NT5DC1: variants seen among roughly 807,000 people sequenced by gnomAD.
NT5DC1 encodes the protein 5'-nucleotidase domain containing 1, also known as 5'-nucleotidase domain-containing protein 1.
In NT5DC1, 42 loss-of-function variants were observed where a neutral mutation model predicts 59.4. The ratio of observed to expected loss-of-function variants is 0.71; its 90% CI spans 0.55 to 0.92. The LOEUF (loss-of-function observed/expected upper bound fraction) is 0.92, where lower values mean the gene tolerates loss of function less well. NT5DC1 is among the 40% of genes least tolerant of loss of function. NT5DC1 has a pLI of 0.00. For missense variants in NT5DC1, 501 were observed against 537.1 expected, an observed-to-expected ratio of 0.93 and a Z score of 0.66; for synonymous variants, 172 against 188.1, an observed-to-expected ratio of 0.91 and a Z score of 0.70.
Position 116,221,162 on chromosome 6 carries a change from A to G in NT5DC1, c.638A>G (p.Lys213Arg). The G allele has an allele frequency of 6.3e-7, 1 of 1,595,860 alleles. No individual in the cohort carries two copies. The highest frequency in any genetic ancestry group is 8.6e-7 in the Non-Finnish European group (1 of 1,163,742). The change falls in exon 7 of 12, where the codon AAA (lysine) becomes AGA (arginine). Residue 213 changes from lysine (K) to arginine (R), a missense_variant. Lys to Arg is a conservative substitution (Grantham distance 26). Coordinates refer to ENST00000319550, the MANE Select transcript of NT5DC1 (RefSeq NM_152729.3). The stretch of plus-strand genomic sequence containing the variant: ...CTTCGACAGCTAAAGAATGCTGGGA[A>G]AATTCTTCTGTTAATTACCAGTTCT... The part of the protein sequence containing the change: ...KWLRQLKNAG[K>R]ILLLITSSHS...
intron 6 of NT5DC1, among the ~76,000 whole-genome samples, chr6:116,157,232 T>TC (rs982708964): frequency 1.4e-4 from 21 of 152,278 alleles, no homozygotes; most frequent in African/African-American, 2.9e-4. Context: ...AAATGAGGAT[T>TC]CCCCCCCATA....
chr6:116,178,088 T>TGTGTGCGC (rs1491426656), intron 6 of NT5DC1, among the ~76,000 whole-genome samples: 45 of 99,654 alleles, frequency 4.5e-4, no homozygotes, highest in African/African-American at 2.1e-3. Flanking sequence ...TGTGTGTGTG[T>TGTGTGCGC]GCGCGCGCGC....
intron 6 of NT5DC1, chr6:116,121,757 C>G (rs764087740): frequency 1.2e-6 from 2 of 1,613,886 alleles, no homozygotes; most frequent in Non-Finnish European, 1.7e-6. Flanking sequence ...ATATGGTCCT[C>G]TCTCTCCTGG....
intron 8 of NT5DC1, among the ~76,000 whole-genome samples, chr6:116,235,835 A>G (rs59075644): frequency 0.1 from 15,287 of 152,218 alleles, 1,275 homozygotes; most frequent in African/African-American, 0.23. Flanking sequence ...TGGCATAACC[A>G]TCTTTGCCTC....
chr6:116,210,000 C>T (rs1402247080), intron 6 of NT5DC1, among the ~76,000 whole-genome samples: 1 of 151,768 alleles, frequency 6.6e-6, no homozygotes, highest in African/African-American at 2.4e-5. Context: ...TATTCCATAC[C>T]CAAGTTTGTT....
chr6:116,239,333 T>G (rs1782181383), intron 11 of NT5DC1, among the ~76,000 whole-genome samples: 1 of 152,176 alleles, frequency 6.6e-6, no homozygotes. Flanking sequence ...TAAGTCAGCT[T>G]GGAGGCATAT....
In NT5DC1 at chr6:116,246,875, A is replaced by C. The variant is rs1582891320; in HGVS notation, c.*2851A>C. ...AGAAAGGTGTCTCTTGTTGGTCTCT[A>C]GAACTATCCTCAGAAATAATAGTAA... is the stretch of plus-strand genomic sequence containing the variant. On this transcript the variant is annotated 3_prime_UTR_variant, in exon 12 of 12. Coordinates refer to ENST00000319550, the MANE Select transcript of NT5DC1 (RefSeq NM_152729.3). 2.0e-5 allele frequency: 3 copies of C among 152,324 alleles called. No homozygotes were observed. The highest frequency in any genetic ancestry group is 4.8e-5 in the African/African-American group (2 of 41,582). The allele number at this position is 152,324 out of a possible 1,614,324, so 9.4% of individuals were successfully genotyped here.
At chr6:116,212,000 T>C (rs903527463) in intron 6 of NT5DC1, among the ~76,000 whole-genome samples, 1 of 152,110 alleles carries the variant, frequency 6.6e-6, no homozygotes, top group Non-Finnish European at 1.5e-5. Context: ...GCTTAGGGCA[T>C]TATTACTCCT....
chr6:116,164,835 A>G (rs761241440), intron 6 of NT5DC1, among the ~76,000 whole-genome samples: 3 of 152,058 alleles, frequency 2.0e-5, no homozygotes, highest in Non-Finnish European at 4.4e-5. Flanking sequence ...AAAAAGATAC[A>G]CGCTTTGGGA....
At chr6:116,241,283 GC>G (rs536807638) in intron 11 of NT5DC1, among the ~76,000 whole-genome samples, 66 of 152,262 alleles carry the variant, frequency 4.3e-4, no homozygotes, top group Non-Finnish European at 7.2e-4. Context: ...GACTGGAGAT[GC>G]AAGAAGAATG....
In NT5DC1 at chr6:116,182,783, T is replaced by C. The variant is rs568488084; in HGVS notation, c.530-38271T>C. Among the ~76,000 whole-genome samples, 18 of 152,290 alleles carry C rather than the reference T, an allele frequency of 1.2e-4. No homozygotes were observed. In the South Asian group the frequency reaches 3.7e-3, roughly 32 times the overall value. ...TTGAGTTCCTTGTAGAGTCTAGATA[T>C]TACTCCTTTGTTGGATGTATAGATT... On this transcript the variant is annotated intron_variant, in intron 6 of 11. Coordinates refer to ENST00000319550, the MANE Select transcript of NT5DC1 (RefSeq NM_152729.3).
intron 6 of NT5DC1, among the ~76,000 whole-genome samples, chr6:116,144,800 TG>T (rs936686534): frequency 2.0e-5 from 3 of 152,080 alleles, no homozygotes; most frequent in Admixed American, 2.0e-4. Context: ...CTGACAACTG[TG>T]AGTTAGTTCA....
At chr6:116,181,906 A>G (rs1263055022) in intron 6 of NT5DC1, among the ~76,000 whole-genome samples, 1 of 152,092 alleles carries the variant, frequency 6.6e-6, no homozygotes, top group Non-Finnish European at 1.5e-5. Flanking sequence ...TTTGGGAAAC[A>G]GTTGATGGTG....
intron 10 of NT5DC1, 56 bp downstream of exon 10, chr6:116,238,404 A>G: frequency 7.5e-7 from 1 of 1,329,236 alleles, no homozygotes; most frequent in Non-Finnish European, 1.0e-6. Context: ...TTTGAAAGCT[A>G]AAGTATCTTT....
chr6:116,133,237 G>A (rs1040105105), intron 6 of NT5DC1, among the ~76,000 whole-genome samples: 16 of 152,092 alleles, frequency 1.1e-4, no homozygotes, highest in African/African-American at 3.9e-4. Flanking sequence ...AGATCTTCAG[G>A]GATCTTGGCT....
intron 6 of NT5DC1, among the ~76,000 whole-genome samples, chr6:116,154,841 C>T (rs1346497090): frequency 6.6e-6 from 1 of 152,100 alleles, no homozygotes; most frequent in African/African-American, 2.4e-5. Context: ...CTTTGACTTG[C>T]CTATGATGCC....
chr6:116,103,861 G>A (rs932547841), intron 1 of NT5DC1, among the ~76,000 whole-genome samples: 1 of 152,140 alleles, frequency 6.6e-6, no homozygotes, highest in Non-Finnish European at 1.5e-5. Context: ...GTGAGTGGGA[G>A]AGTGGGGTCC....
chr6:116,105,270 C>T (rs948492214), intron 1 of NT5DC1, among the ~76,000 whole-genome samples: 6 of 152,162 alleles, frequency 3.9e-5, no homozygotes, highest in African/African-American at 1.4e-4. Context: ...ATTCACCCAG[C>T]GAACTGCTGC....
intron 6 of NT5DC1, among the ~76,000 whole-genome samples, chr6:116,156,731 C>T (rs1417973518): frequency 6.6e-6 from 1 of 152,140 alleles, no homozygotes; most frequent in Admixed American, 6.5e-5. Flanking sequence ...TAAATTTCAG[C>T]ATATCTTGAA....
Sources: allele counts gnomAD v4.1 joint callset (sites outside exome capture counted in the v4.1 genomes callset), GRCh38; gene constraint gnomAD v4.1.1; transcripts MANE v1.5; gene names NCBI Gene and HGNC (gene_info 2026-07-23, HGNC 2026-07-21).